The following FBXL20 variants were observed in gnomAD, a reference collection of about 807,000 sequenced individuals.
FBXL20 encodes F-box/LRR-repeat protein 20.
FBXL20 carries 11 observed loss-of-function variants against 64.0 expected under a neutral mutation model. The ratio of observed to expected loss-of-function variants is 0.17; its 90% CI spans 0.11 to 0.28. FBXL20 has a LOEUF of 0.28. FBXL20 is among the 10% of genes least tolerant of loss of function. The pLI, the probability that FBXL20 is intolerant of heterozygous loss-of-function variation, is 1.00. For missense variants in FBXL20, 303 were observed against 526.2 expected, an observed-to-expected ratio of 0.58 and a Z score of 4.15; for synonymous variants, 184 against 189.0, an observed-to-expected ratio of 0.97 and a Z score of 0.22.
intron 2 of FBXL20, among the ~76,000 whole-genome samples, chr17:39,337,931 G>A (rs942927853): frequency 2.0e-5 from 3 of 149,258 alleles, no homozygotes; most frequent in Admixed American, 6.7e-5. Flanking sequence ...TCAGCCCCCC[G>A]CCCGGCCAGC....
upstream of FBXL20, chr17:39,401,991 C>CG: frequency 3.9e-6 from 2 of 509,080 alleles, no homozygotes; most frequent in Non-Finnish European, 6.1e-6. Context: ...GCACTCTGCG[C>CG]GGGGGCCCCT....
At chr17:39,322,163 C>CAAAA (rs761771926) in intron 2 of FBXL20, among the ~76,000 whole-genome samples, 1 of 52,540 alleles carries the variant, frequency 1.9e-5, no homozygotes, top group Non-Finnish European at 4.3e-5. Flanking sequence ...CTATCTCTAC[C>CAAAA]AAAAAAAAAA....
At chr17:39,276,238 A>AC (rs896379734) in intron 9 of FBXL20, among the ~76,000 whole-genome samples, 5 of 150,148 alleles carry the variant, frequency 3.3e-5, no homozygotes, top group African/African-American at 1.2e-4. Context: ...AAAAAAAAAA[A>AC]AAAAAGGGAC....
intron 6 of FBXL20, among the ~76,000 whole-genome samples, chr17:39,286,243 C>G (rs2046987160): frequency 6.6e-6 from 1 of 152,168 alleles, no homozygotes; most frequent in African/African-American, 2.4e-5. Context: ...TTGAGACAAT[C>G]TTGCTCTGTT....
rs142035415 is a variant in FBXL20 at position 39,281,970 on chromosome 17, T to A, written c.622-507A>T. Among the ~76,000 whole-genome samples the A allele has an allele frequency of 2.6e-3, 389 of 152,328 alleles. 1 individual carries two copies. Among genetic ancestry groups the A allele is most frequent in the Admixed American group, 5.6e-3 (85 of 15,294 alleles). On this transcript the variant is annotated intron_variant, in intron 8 of 14. Transcript: ENST00000264658. Reference sequence around the variant, plus strand: ...TAATGATACATTCCAATCAGTATTTTTCAGGATTCCTTAAATAACCAGAAG... The same window carrying A: ...TAATGATACATTCCAATCAGTATTTATCAGGATTCCTTAAATAACCAGAAG...
chr17:39,283,138 C>T (rs2046961744), intron 7 of FBXL20, among the ~76,000 whole-genome samples: 1 of 152,132 alleles, frequency 6.6e-6, no homozygotes, highest in South Asian at 2.1e-4. Flanking sequence ...TATCTCAAAG[C>T]TCTCTAGACA....
At chr17:39,272,277 C>A (rs528196345) in intron 10 of FBXL20, among the ~76,000 whole-genome samples, 8 of 151,324 alleles carry the variant, frequency 5.3e-5, no homozygotes, top group African/African-American at 1.7e-4. Flanking sequence ...TCCCAGCTAT[C>A]TGAGAGGTTG....
At chr17:39,337,468 CCCTCTGCCTGGCTG>C (rs1199641643) in intron 2 of FBXL20, among the ~76,000 whole-genome samples, 2 of 151,404 alleles carry the variant, frequency 1.3e-5, no homozygotes, top group Non-Finnish European at 2.9e-5. Context: ...TGTGAGGAGC[CCCTCTGCCTGGCTG>C]CCCAGTCTGG....
intron 1 of FBXL20, among the ~76,000 whole-genome samples, chr17:39,383,254 A>G (rs555019685): frequency 1.3e-5 from 2 of 152,228 alleles, no homozygotes; most frequent in South Asian, 4.1e-4. Context: ...CCTCTAAAAA[A>G]CATAAAGTTT....
chr17:39,298,321 C>T (rs2047104803), intron 5 of FBXL20, among the ~76,000 whole-genome samples: 1 of 152,058 alleles, frequency 6.6e-6, no homozygotes, highest in Non-Finnish European at 1.5e-5. Context: ...GGAGCCTTGC[C>T]ATGCTGCCTA....
At position 39,286,909 on chromosome 17, in the gene FBXL20, C is replaced by CT. The variant is rs35221372; in HGVS notation, c.399-1337dup. Among the ~76,000 whole-genome samples the CT allele has an allele frequency of 7.7e-3, 885 of 114,520 alleles. 12 individuals are homozygous for CT. Among genetic ancestry groups the CT allele is most frequent in the African/African-American group, 0.012 (337 of 27,092 alleles). The allele number at this position is 114,520 out of a possible 152,430, so 75.1% of individuals were successfully genotyped here. ...CCTGTAAATATTTCAGTATCTATTT[C>CT]TTTTTTTTTTTTTTTTTTTTGAGAC... On this transcript the variant is annotated intron_variant, in intron 6 of 14. Transcript: ENST00000264658.
rs1597824126 is a variant in FBXL20, at chr17:39,367,988, G to C, written c.43-24747C>G. On this transcript the variant is annotated intron_variant, in intron 1 of 14. Transcript: ENST00000264658. ...AGAAGGGGTTTCACTATGTTGGCCA[G>C]GCTGATCTCAAACTCCTGGCCTCCA... Among the ~76,000 whole-genome samples, 4 of 151,884 alleles carry C rather than the reference G, an allele frequency of 2.6e-5. No individual in the cohort carries two copies. The South Asian group carries it at 8.3e-4, about 32-fold the overall frequency.
chr17:39,351,869 TA>T (rs1490548597), intron 1 of FBXL20, among the ~76,000 whole-genome samples: 1 of 152,214 alleles, frequency 6.6e-6, no homozygotes, highest in Non-Finnish European at 1.5e-5. Context: ...TATTGGTTTT[TA>T]AAAAGCTAAG....
rs2047947344 is a variant in FBXL20, at chr17:39,374,395, G to T, written c.42+26966C>A. 2.0e-5 allele frequency among the ~76,000 whole-genome samples: 3 copies of T among 151,560 alleles called. No individual in the cohort carries two copies. In the South Asian group the frequency reaches 6.3e-4, roughly 32 times the overall value. On this transcript the variant is annotated intron_variant, in intron 1 of 14. Coordinates refer to ENST00000264658, the MANE Select transcript of FBXL20 (RefSeq NM_032875.3). ...AATACAAAAAAAAAAAATTAATCAGGCCTGATGGCGGGTACCTGTAATGTA... is the reference window on the plus strand; with the variant it reads ...AATACAAAAAAAAAAAATTAATCAGTCCTGATGGCGGGTACCTGTAATGTA...
chr17:39,366,774 A>G (rs1428864686), intron 1 of FBXL20, among the ~76,000 whole-genome samples: 3 of 152,064 alleles, frequency 2.0e-5, no homozygotes, highest in Non-Finnish European at 2.9e-5. Flanking sequence ...GGTCCTTTGA[A>G]TGTAACCTCT....
At chr17:39,286,403 T>C (rs2046988272) in intron 6 of FBXL20, among the ~76,000 whole-genome samples, 1 of 152,188 alleles carries the variant, frequency 6.6e-6, no homozygotes, top group East Asian at 1.9e-4. Flanking sequence ...TTTGTAGAGA[T>C]GGGGTTTTGC....
At position 39,368,136 on chromosome 17, in the gene FBXL20, C is replaced by A. The variant is rs539915689; in HGVS notation, c.43-24895G>T. Among the ~76,000 whole-genome samples the A allele has an allele frequency of 4.6e-5, 7 of 152,302 alleles. No homozygotes were observed. The South Asian group carries it at 1.4e-3, about 32-fold the overall frequency. The stretch of plus-strand genomic sequence containing the variant: ...AAACACAGTGGCTTACTCCTATAAT[C>A]TCAACACTTTGGGAGGCCAAGGTAG... On this transcript the variant is annotated intron_variant, in intron 1 of 14. Coordinates refer to ENST00000264658, the MANE Select transcript of FBXL20 (RefSeq NM_032875.3).
intron 9 of FBXL20, 50 bp from the exon 10 acceptor site, chr17:39,275,150 C>CA: frequency 2.0e-6 from 3 of 1,528,440 alleles, no homozygotes; most frequent in Non-Finnish European, 1.8e-6. Context: ...CTTAGCAAAA[C>CA]AAAAAAAGAA....
chr17:39,388,245 T>A (rs941723340), intron 1 of FBXL20, among the ~76,000 whole-genome samples: 1 of 151,964 alleles, frequency 6.6e-6, no homozygotes, highest in Non-Finnish European at 1.5e-5. Flanking sequence ...TTGCTTAAGC[T>A]CAGGAGTTTG....
Sources: allele counts gnomAD v4.1 joint callset (sites outside exome capture counted in the v4.1 genomes callset), GRCh38; gene constraint gnomAD v4.1.1; transcripts MANE v1.5; gene names NCBI Gene and HGNC (gene_info 2026-07-23, HGNC 2026-07-21).